NOS1AP: variants seen among roughly 807,000 people sequenced by gnomAD.
NOS1AP encodes nitric oxide synthase 1 adaptor protein.
Under a neutral mutation model 56.2 loss-of-function variants are expected in NOS1AP, and 21 were observed. The ratio of observed to expected loss-of-function variants is 0.37; its 90% CI spans 0.26 to 0.54. The LOEUF (loss-of-function observed/expected upper bound fraction) is 0.54, where lower values mean the gene tolerates loss of function less well. NOS1AP is among the 20% of genes least tolerant of loss of function. The pLI is 0.84. For missense variants in NOS1AP, 522 were observed against 657.8 expected (o/e 0.79, Z 2.26); for synonymous variants, 270 against 274.6 (o/e 0.98, Z 0.17).
At chr1:162,100,406 C>T (rs1355396579) in intron 1 of NOS1AP, among the ~76,000 whole-genome samples, 33 of 152,166 alleles carry the variant, frequency 2.2e-4, no homozygotes, top group South Asian at 1.7e-3. Flanking sequence ...TTTTTTCATG[C>T]GTTTTTTGGC....
At chr1:162,363,936 A>G in intron 8 of NOS1AP, 1 of 985,386 alleles carries the variant, frequency 1.0e-6, no homozygotes, top group Non-Finnish European at 1.2e-6. Flanking sequence ...TCAATCAGAA[A>G]TAGGGTCAAC....
intron 1 of NOS1AP, among the ~76,000 whole-genome samples, chr1:162,154,031 TTC>T (rs1557807085): frequency 1.3e-5 from 2 of 151,952 alleles, no homozygotes; most frequent in Admixed American, 6.6e-5. Context: ...GGACATTTTA[TTC>T]TGTTTGATCT....
intron 2 of NOS1AP, among the ~76,000 whole-genome samples, chr1:162,220,412 C>T (rs1652731883): frequency 6.6e-6 from 1 of 152,086 alleles, no homozygotes; most frequent in Non-Finnish European, 1.5e-5. Context: ...TGAACAGTGT[C>T]TGGGGAACAC....
At chr1:162,206,329 G>A (rs754442181) in intron 2 of NOS1AP, among the ~76,000 whole-genome samples, 35 of 152,042 alleles carry the variant, frequency 2.3e-4, no homozygotes, top group African/African-American at 6.5e-4. Context: ...TGGGTTAGTC[G>A]GATCTGTGAG....
rs35658165 is a variant in NOS1AP at position 162,303,904 on chromosome 1, C to CTTTTTTTTTTTTT, written c.344+3208_344+3220dup. On this transcript the variant is annotated intron_variant, in intron 4 of 9. Coordinates refer to ENST00000361897, the MANE Select transcript of NOS1AP (RefSeq NM_014697.3). ...AACATTTTCTCCAAGTCTGGCTTGT[C>CTTTTTTTTTTTTT]TTTTTTTTTTTTTTTTTTTTTTAAA... is the stretch of plus-strand genomic sequence containing the variant. 1.1e-4 allele frequency among the ~76,000 whole-genome samples: 12 copies of CTTTTTTTTTTTTT among 110,724 alleles called. 1 individual carries two copies. The highest frequency in any genetic ancestry group is 5.1e-4 in the East Asian group (2 of 3,936). The allele number at this position is 110,724 out of a possible 152,430, so 72.6% of individuals were successfully genotyped here.
chr1:162,228,517 G>A lies in NOS1AP; in HGVS notation c.178-58827G>A, dbSNP rs114524810. Among the ~76,000 whole-genome samples, 875 of 152,314 alleles carry A rather than the reference G, an allele frequency of 5.7e-3. 6 individuals carry two copies. Among genetic ancestry groups the A allele is most frequent in the Non-Finnish European group, 0.01 (710 of 68,034 alleles). On this transcript the variant is annotated intron_variant, in intron 2 of 9. Transcript: ENST00000361897. Reference sequence around the variant, plus strand: ...GCTTTCAACAGTCTCTCAGAACTGAGGAGACAGAATAGGAGTTCAAGACTC... The same window carrying A: ...GCTTTCAACAGTCTCTCAGAACTGAAGAGACAGAATAGGAGTTCAAGACTC...
chr1:162,282,562 C>G (rs1408124860), intron 2 of NOS1AP, among the ~76,000 whole-genome samples: 2 of 152,180 alleles, frequency 1.3e-5, no homozygotes, highest in African/African-American at 4.8e-5. Context: ...TAGACTGTCA[C>G]ATCACATAAT....
At chr1:162,198,323 A>T (rs1040931316) in intron 2 of NOS1AP, among the ~76,000 whole-genome samples, 1 of 152,132 alleles carries the variant, frequency 6.6e-6, no homozygotes, top group Non-Finnish European at 1.5e-5. Flanking sequence ...AAACTTTCTG[A>T]TCGTTGTGAT....
At chr1:162,089,988 T>C (rs991296400) in intron 1 of NOS1AP, among the ~76,000 whole-genome samples, 6 of 152,204 alleles carry the variant, frequency 3.9e-5, no homozygotes, top group Non-Finnish European at 1.5e-5. Flanking sequence ...TCATTACACA[T>C]TATAATATTT....
chr1:162,198,341 C>G (rs1457133811), intron 2 of NOS1AP, among the ~76,000 whole-genome samples: 1 of 152,216 alleles, frequency 6.6e-6, no homozygotes, highest in Non-Finnish European at 1.5e-5. Flanking sequence ...GATGGTGATG[C>G]TGATGTCAGT....
rs1021391059 is a variant in NOS1AP, at chr1:162,153,944, T to C, written c.106-461T>C. 1.3e-4 allele frequency among the ~76,000 whole-genome samples: 20 copies of C among 152,092 alleles called. 1 individual carries two copies. The highest frequency in any genetic ancestry group is 4.8e-4 in the African/African-American group (20 of 41,490). On this transcript the variant is annotated intron_variant, in intron 1 of 9. Transcript: ENST00000361897. The stretch of plus-strand genomic sequence containing the variant: ...ACATCTAGGGCTCAATCAGTGAAAT[T>C]CCATTAGTTAAAAAAGGTATATATT...
chr1:162,100,215 T>C (rs1381292653), intron 1 of NOS1AP, among the ~76,000 whole-genome samples: 1 of 152,102 alleles, frequency 6.6e-6, no homozygotes, highest in Non-Finnish European at 1.5e-5. Context: ...CACACTGACT[T>C]CCACAATGGT....
chr1:162,240,244 AGTGTGTGTGTGTGTGTGT>A (rs5778260), intron 2 of NOS1AP, among the ~76,000 whole-genome samples: 31 of 141,220 alleles, frequency 2.2e-4, no homozygotes, highest in Admixed American at 6.3e-4. Context: ...CTGTGTGGCC[AGTGTGTGTGTGTGTGTGT>A]GTGTGTGTGT....
chr1:162,287,446 T>A lies in NOS1AP; in HGVS notation c.270+10T>A. 1 of 1,583,218 alleles carries A rather than the reference T, an allele frequency of 6.3e-7. No homozygotes were observed. Among genetic ancestry groups the A allele is most frequent in the Non-Finnish European group, 8.7e-7 (1 of 1,151,770 alleles). On this transcript the variant is annotated intron_variant, in intron 3 of 9. Coordinates refer to ENST00000361897, the MANE Select transcript of NOS1AP (RefSeq NM_014697.3). ...GAAGAAGAAGAAAAAGGTAAGTGGC[T>A]CTGAACCAGAATCTGAGGTGAAGAG...
At chr1:162,352,284 C>G (rs1657535137) in intron 6 of NOS1AP, among the ~76,000 whole-genome samples, 1 of 152,076 alleles carries the variant, frequency 6.6e-6, no homozygotes, top group Non-Finnish European at 1.5e-5. Context: ...GTCCCAAACT[C>G]CTGAGCTCAG....
intron 1 of NOS1AP, among the ~76,000 whole-genome samples, chr1:162,136,295 A>T (rs1270642300): frequency 3.3e-5 from 5 of 152,162 alleles, no homozygotes; most frequent in African/African-American, 1.2e-4. Context: ...TTATTTTTTA[A>T]TGTATGGTGT....
chr1:162,246,441 G>A (rs968317600), intron 2 of NOS1AP, among the ~76,000 whole-genome samples: 2 of 152,188 alleles, frequency 1.3e-5, no homozygotes, highest in African/African-American at 4.8e-5. Flanking sequence ...AATCACTTGA[G>A]TGTTCCTCCT....
chr1:162,295,934 A>G (rs181550180), intron 3 of NOS1AP, among the ~76,000 whole-genome samples: 6 of 151,946 alleles, frequency 3.9e-5, no homozygotes, highest in Admixed American at 3.9e-4. Context: ...AGGGGTGGAG[A>G]CCCTTTAGTT....
At chr1:162,262,427 C>T (rs550351737) in intron 2 of NOS1AP, among the ~76,000 whole-genome samples, 13 of 152,292 alleles carry the variant, frequency 8.5e-5, no homozygotes, top group African/African-American at 2.9e-4. Flanking sequence ...ATTAAATCTC[C>T]CAACAATGAA....
Sources: gnomAD v4.1 joint callset for allele counts (sites outside exome capture counted in the v4.1 genomes callset) on GRCh38, gnomAD v4.1.1 for gene constraint, MANE v1.5 for transcripts, NCBI Gene and HGNC (gene_info 2026-07-23, HGNC 2026-07-21) for gene names.